ANO3: variants seen among roughly 807,000 people sequenced by gnomAD.
ANO3 encodes the protein anoctamin 3.
In ANO3, 99 loss-of-function variants were observed where a neutral mutation model predicts 144.8. The observed-to-expected ratio is 0.68, with a 90% CI of 0.58 to 0.81. The LOEUF is 0.81. Among genes scored for constraint, ANO3 ranks in the 30% least tolerant of loss-of-function variants. The pLI is 0.00. For synonymous variants in ANO3, 414 were observed against 392.6 expected (o/e 1.05, Z -0.64); for missense variants, 905 against 1,202.2 (o/e 0.75, Z 3.66).
intron 1 of ANO3, among the ~76,000 whole-genome samples, chr11:26,411,567 T>G (rs1857433418): frequency 6.6e-6 from 1 of 151,948 alleles, no homozygotes; most frequent in Non-Finnish European, 1.5e-5. Flanking sequence ...CTGAATCAAA[T>G]CAAAACACTT....
At chr11:26,537,073 C>A (rs2134196193) in intron 9 of ANO3, among the ~76,000 whole-genome samples, 1 of 149,950 alleles carries the variant, frequency 6.7e-6, no homozygotes, top group African/African-American at 2.5e-5. Context: ...TCTTTCTTGA[C>A]CAACTTTGTT....
chr11:26,426,902 C>G (rs1415704616), intron 1 of ANO3: 1 of 152,316 alleles, frequency 6.6e-6, no homozygotes, highest in Non-Finnish European at 1.5e-5. Context: ...GATTTTCGTT[C>G]TGTCCAGTGG....
chr11:26,346,795 C>T (rs1456188599), intron 1 of ANO3, among the ~76,000 whole-genome samples: 1 of 152,128 alleles, frequency 6.6e-6, no homozygotes, highest in Admixed American at 6.5e-5. Flanking sequence ...TCATGGTGCT[C>T]CAACATACAG....
intron 1 of ANO3, among the ~76,000 whole-genome samples, chr11:26,256,385 T>G (rs958121033): frequency 6.6e-5 from 10 of 152,184 alleles, no homozygotes; most frequent in Admixed American, 2.0e-4. Flanking sequence ...CTCTGGCTTT[T>G]CAAATTCTTC....
intron 1 of ANO3, among the ~76,000 whole-genome samples, chr11:26,296,451 A>G (rs1590241563): frequency 6.6e-6 from 1 of 152,204 alleles, no homozygotes; most frequent in Non-Finnish European, 1.5e-5. Context: ...TCTCTCTTTT[A>G]CCAGCCTATG....
chr11:26,451,920 G>A (rs1441051588), intron 3 of ANO3, among the ~76,000 whole-genome samples: 22 of 152,110 alleles, frequency 1.4e-4, no homozygotes, highest in Non-Finnish European at 2.4e-4. Context: ...AGCAGCATTC[G>A]CGGTTCACGA....
chr11:26,544,251 C>CACAT lies in ANO3; in HGVS notation c.1154+2184_1154+2185insCATA, dbSNP rs1183023481. Among the ~76,000 whole-genome samples the CACAT allele has an allele frequency of 2.1e-4, 8 of 38,470 alleles. 1 individual carries two copies. In the South Asian group the frequency reaches 0.013, roughly 62 times the overall value. The allele number at this position is 38,470 out of a possible 152,430, so 25.2% of individuals were successfully genotyped here. A position where few individuals can be genotyped will look rare whatever the true frequency, so the allele number is the denominator to read the frequency against. ...TAAGGTTAAGTAGTATTTCATTATA[C>CACAT]ATATATATATATATATATATATACA... On this transcript the variant is annotated intron_variant, in intron 11 of 26. Coordinates refer to ENST00000256737, the MANE Select transcript of ANO3 (RefSeq NM_031418.4).
chr11:26,288,848 CA>C (rs1853868915), intron 1 of ANO3, among the ~76,000 whole-genome samples: 1 of 151,954 alleles, frequency 6.6e-6, no homozygotes, highest in East Asian at 1.9e-4. Context: ...TATTTGCCTG[CA>C]AATGTCCCTC....
At chr11:26,642,342 CTTTTTTTTTTTTT>C (rs576729432) in intron 22 of ANO3, among the ~76,000 whole-genome samples, 2 of 93,066 alleles carry the variant, frequency 2.1e-5, no homozygotes, top group African/African-American at 8.4e-5. Context: ...TTCTTTCTTT[CTTTTTTTTTTTTT>C]TTTTTTTTTT....
At chr11:26,344,439 C>T (rs532549406) in intron 1 of ANO3, among the ~76,000 whole-genome samples, 2 of 148,974 alleles carry the variant, frequency 1.3e-5, no homozygotes, top group Non-Finnish European at 3.0e-5. Flanking sequence ...GATCTCGGCT[C>T]ACTGCAACCT....
At chr11:26,285,342 CAT>C (rs1853781071) in intron 1 of ANO3, among the ~76,000 whole-genome samples, 1 of 152,068 alleles carries the variant, frequency 6.6e-6, no homozygotes, top group Non-Finnish European at 1.5e-5. Context: ...TAAAGCAAGA[CAT>C]GTTGTATGAA....
chr11:26,613,207 TCTGA>T (rs1325465582), intron 17 of ANO3, among the ~76,000 whole-genome samples: 6 of 152,160 alleles, frequency 3.9e-5, no homozygotes, highest in African/African-American at 4.8e-5. Flanking sequence ...TTTATTTTTC[TCTGA>T]CTGTTATTTT....
At chr11:26,408,278 G>GA (rs1565007748) in intron 1 of ANO3, among the ~76,000 whole-genome samples, 1 of 151,012 alleles carries the variant, frequency 6.6e-6, no homozygotes, top group Admixed American at 6.6e-5. Flanking sequence ...AAATTTACAA[G>GA]AAAAAAACAA....
intron 1 of ANO3, among the ~76,000 whole-genome samples, chr11:26,262,154 C>G (rs566744343): frequency 2.0e-5 from 3 of 152,288 alleles, no homozygotes; most frequent in Non-Finnish European, 4.4e-5. Context: ...GCCCAGCTTA[C>G]GTTTAGAACA....
rs143823943 is a variant in ANO3 at position 26,453,726 on chromosome 11, A to G, written c.314-9304A>G. The stretch of plus-strand genomic sequence containing the variant: ...AATTGAACTCACCTCTGCACCAAGC[A>G]GACCTAATAGACATCTACAGAACTC... On this transcript the variant is annotated intron_variant, in intron 3 of 26. Transcript: ENST00000256737. Among the ~76,000 whole-genome samples, 255 of 152,236 alleles carry G rather than the reference A, an allele frequency of 1.7e-3. 2 individuals carry two copies. The highest frequency in any genetic ancestry group is 5.8e-3 in the African/African-American group (240 of 41,522).
chr11:26,452,403 A>G lies in ANO3; in HGVS notation c.313+8567A>G, dbSNP rs1194903657. Among the ~76,000 whole-genome samples the G allele has an allele frequency of 1.2e-4, 19 of 152,348 alleles. No individual in the cohort carries two copies. In the East Asian group the frequency reaches 3.5e-3, roughly 28 times the overall value. On this transcript the variant is annotated intron_variant, in intron 3 of 26. Transcript: ENST00000256737. ...TGCTTAAAGGAGCTGATGGAGCTGAAAGCCAAGGCTCGAGAACTACGTGAA... is the reference window on the plus strand; with the variant it reads ...TGCTTAAAGGAGCTGATGGAGCTGAGAGCCAAGGCTCGAGAACTACGTGAA...
At chr11:26,655,245 A>G (rs1002519859) in intron 24 of ANO3, among the ~76,000 whole-genome samples, 9 of 152,302 alleles carry the variant, frequency 5.9e-5, no homozygotes, top group Non-Finnish European at 1.2e-4. Flanking sequence ...CATCAGCCCC[A>G]TGCAATTGGT....
intron 1 of ANO3, among the ~76,000 whole-genome samples, chr11:26,213,316 A>G (rs185238162): frequency 6.6e-6 from 1 of 152,238 alleles, no homozygotes; most frequent in Non-Finnish European, 1.5e-5. Context: ...AACGGTATTC[A>G]AATAGGAAGA....
At chr11:26,529,678 C>A (rs1318302156) in intron 7 of ANO3, among the ~76,000 whole-genome samples, 1 of 150,390 alleles carries the variant, frequency 6.6e-6, no homozygotes, top group African/African-American at 2.4e-5. Context: ...AAAATTTCCC[C>A]AGATAGAAAC....
Sources: gnomAD v4.1 joint callset for allele counts (sites outside exome capture counted in the v4.1 genomes callset) on GRCh38, gnomAD v4.1.1 for gene constraint, MANE v1.5 for transcripts, NCBI Gene and HGNC (gene_info 2026-07-23, HGNC 2026-07-21) for gene names.